CADM2: variants seen among roughly 807,000 people sequenced by gnomAD.
The protein encoded by CADM2 is immunoglobulin superfamily member 4D.
A neutral mutation model predicts 49.8 loss-of-function variants in CADM2; 12 were observed. The ratio of observed to expected loss-of-function variants is 0.24; its 90% CI spans 0.15 to 0.39. CADM2 has a LOEUF of 0.39. Ranked by LOEUF, CADM2 falls within the 10% of genes least tolerant of loss-of-function variation. CADM2 has a pLI of 1.00. For synonymous variants in CADM2, 214 were observed against 175.4 expected (o/e 1.22, Z -1.74); for missense variants, 378 against 492.3 (o/e 0.77, Z 2.20).
intron 1 of CADM2, among the ~76,000 whole-genome samples, chr3:85,045,194 T>C: frequency 6.6e-6 from 1 of 152,314 alleles, no homozygotes; most frequent in South Asian, 2.1e-4. Flanking sequence ...GAGGAAATCC[T>C]GAAGCTGAAT....
intron 5 of CADM2, among the ~76,000 whole-genome samples, chr3:85,887,884 T>G (rs895160527): frequency 2.6e-5 from 4 of 152,190 alleles, no homozygotes; most frequent in Admixed American, 2.6e-4. Flanking sequence ...CCAGGCACTT[T>G]TCTGGCTTAA....
At chr3:86,032,835 A>AT (rs1381228192) in intron 8 of CADM2, among the ~76,000 whole-genome samples, 1 of 151,732 alleles carries the variant, frequency 6.6e-6, no homozygotes, top group African/African-American at 2.4e-5. Context: ...GAAATAGATA[A>AT]TTTTTTTCAA....
At chr3:85,146,949 GA>G (rs970553118) in intron 1 of CADM2, among the ~76,000 whole-genome samples, 37 of 149,732 alleles carry the variant, frequency 2.5e-4, no homozygotes, top group East Asian at 1.2e-3. Context: ...ATTAAGGGGG[GA>G]AAAAAAAAGG....
chr3:85,264,579 T>C (rs2043081780), intron 1 of CADM2, among the ~76,000 whole-genome samples: 1 of 152,064 alleles, frequency 6.6e-6, no homozygotes. Context: ...TTATTGTTAG[T>C]GTTGCCAGCC....
intron 2 of CADM2, among the ~76,000 whole-genome samples, chr3:85,771,087 A>G (rs934336184): frequency 6.6e-6 from 1 of 152,102 alleles, no homozygotes; most frequent in Admixed American, 6.6e-5. Flanking sequence ...TATTTTTAAG[A>G]ATTAGAAAAC....
At chr3:85,636,105 T>C (rs1425276725) in intron 1 of CADM2, among the ~76,000 whole-genome samples, 1 of 152,162 alleles carries the variant, frequency 6.6e-6, no homozygotes, top group East Asian at 1.9e-4. Flanking sequence ...CTTCTACTTA[T>C]AAAAAAGACT....
chr3:85,289,150 G>A (rs932672974), intron 1 of CADM2, among the ~76,000 whole-genome samples: 3 of 152,084 alleles, frequency 2.0e-5, no homozygotes, highest in Non-Finnish European at 4.4e-5. Flanking sequence ...CACATAAGTG[G>A]CAAGCTTAAA....
chr3:85,026,675 T>G (rs2034742751), intron 1 of CADM2, among the ~76,000 whole-genome samples: 1 of 152,144 alleles, frequency 6.6e-6, no homozygotes, highest in Non-Finnish European at 1.5e-5. Flanking sequence ...CAAAAGCCAA[T>G]GTACCAAACA....
rs150845112 is a variant in CADM2, at chr3:85,380,383, A to G, written c.62-346139A>G. Among the ~76,000 whole-genome samples, 656 of 152,080 alleles carry G rather than the reference A, an allele frequency of 4.3e-3. 3 individuals carry two copies. Among genetic ancestry groups the G allele is most frequent in the Admixed American group, 9.2e-3 (140 of 15,240 alleles). On this transcript the variant is annotated intron_variant, in intron 1 of 9. Coordinates refer to ENST00000383699, the MANE Select transcript of CADM2 (RefSeq NM_001167675.2). ...TAAATTTAAGGCTAAAATACATTTT[A>G]TGGGACTCAGAATAACAGTGTCTAG...
intron 1 of CADM2, among the ~76,000 whole-genome samples, chr3:85,282,282 C>T (rs866677047): frequency 0.07 from 3,179 of 45,634 alleles, 45 homozygotes; most frequent in Non-Finnish European, 0.083. Flanking sequence ...TTTTTTTTTT[C>T]GGACAGTCTC....
intron 1 of CADM2, among the ~76,000 whole-genome samples, chr3:85,181,647 G>A (rs182955397): frequency 1.3e-5 from 2 of 151,884 alleles, no homozygotes; most frequent in Admixed American, 1.3e-4. Context: ...GGCTCACTGA[G>A]GTTTCTACAC....
chr3:85,194,384 A>C (rs1276439705), intron 1 of CADM2, among the ~76,000 whole-genome samples: 1 of 152,106 alleles, frequency 6.6e-6, no homozygotes, highest in African/African-American at 2.4e-5. Context: ...TGACATGATC[A>C]TAATTCATTT....
chr3:85,890,617 T>C (rs769089561), intron 5 of CADM2, among the ~76,000 whole-genome samples: 21 of 152,156 alleles, frequency 1.4e-4, no homozygotes, highest in Admixed American at 1.2e-3. Flanking sequence ...GGGAGATACA[T>C]GGCCTTCTAT....
chr3:85,835,777 C>T (rs1293377011), intron 3 of CADM2, among the ~76,000 whole-genome samples: 2 of 133,006 alleles, frequency 1.5e-5, no homozygotes, highest in Non-Finnish European at 3.2e-5. Flanking sequence ...ATATATATAT[C>T]CCTTGCTTGC....
chr3:85,131,174 C>T (rs535973287), intron 1 of CADM2, among the ~76,000 whole-genome samples: 19 of 151,316 alleles, frequency 1.3e-4, no homozygotes, highest in South Asian at 6.3e-4. Context: ...AGTGAAACTC[C>T]GTCTCAGAAA....
At chr3:85,128,753 A>G (rs1378476453) in intron 1 of CADM2, among the ~76,000 whole-genome samples, 1 of 152,188 alleles carries the variant, frequency 6.6e-6, no homozygotes, top group Non-Finnish European at 1.5e-5. Flanking sequence ...TGTTAAGGCT[A>G]AATTATGTGG....
chr3:85,744,414 G>A (rs891032755), intron 2 of CADM2, among the ~76,000 whole-genome samples: 10 of 151,902 alleles, frequency 6.6e-5, no homozygotes, highest in South Asian at 2.1e-4. Flanking sequence ...GAAGGAGATC[G>A]CATTTACTCT....
chr3:85,328,823 C>T (rs1335747737), intron 1 of CADM2, among the ~76,000 whole-genome samples: 2 of 150,660 alleles, frequency 1.3e-5, no homozygotes, highest in Non-Finnish European at 2.9e-5. Context: ...TATATCTAAA[C>T]TGGTACAAAA....
intron 1 of CADM2, among the ~76,000 whole-genome samples, chr3:85,371,989 G>C (rs993977381): frequency 1.3e-5 from 2 of 151,508 alleles, no homozygotes; most frequent in African/African-American, 4.9e-5. Context: ...TGTTCTCTCT[G>C]TCTCCTCTAA....
Sources: gnomAD v4.1 joint callset for allele counts (sites outside exome capture counted in the v4.1 genomes callset) on GRCh38, gnomAD v4.1.1 for gene constraint, MANE v1.5 for transcripts, NCBI Gene and HGNC (gene_info 2026-07-23, HGNC 2026-07-21) for gene names.